NBEAL1: variants seen among roughly 807,000 people sequenced by gnomAD.
NBEAL1 encodes neurobeachin like 1, also known as neurobeachin-like protein 1.
NBEAL1 carries 273 observed loss-of-function variants against 351.3 expected under a neutral mutation model. The observed-to-expected ratio is 0.78, with a 90% CI of 0.70 to 0.86. The LOEUF (loss-of-function observed/expected upper bound fraction) is 0.86. Among genes scored for constraint, NBEAL1 ranks in the 40% least tolerant of loss-of-function variants. The probability of loss-of-function intolerance (pLI) is 0.00; values close to 1 mark genes in which losing one functional copy is unlikely to be tolerated. For missense variants in NBEAL1, 2,961 were observed against 3,201.3 expected (o/e 0.92, Z 1.81); for synonymous variants, 1,050 against 1,086.4 (o/e 0.97, Z 0.66).
intron 10 of NBEAL1, among the ~76,000 whole-genome samples, chr2:203,095,676 T>C (rs2062168299): frequency 1.3e-5 from 2 of 152,242 alleles, no homozygotes; most frequent in Non-Finnish European, 2.9e-5. Context: ...ACCAGTTTTA[T>C]CTGACTATTT....
rs2062372079 is a variant in NBEAL1, at chr2:203,103,541, G to A, written c.1269+3829G>A. Among the ~76,000 whole-genome samples, 3 of 152,094 alleles carry A rather than the reference G, an allele frequency of 2.0e-5. 1 individual carries two copies. ...CCTGCCTCAGCCTCCCAAAGTGCTG[G>A]GATCACAGATGTGAGCCATTGTGCC... On this transcript the variant is annotated intron_variant, in intron 12 of 55. Coordinates refer to ENST00000683969, the MANE Select transcript of NBEAL1 (RefSeq NM_001378026.1).
intron 3 of NBEAL1, among the ~76,000 whole-genome samples, chr2:203,048,449 G>C (rs1412324163): frequency 6.6e-6 from 1 of 152,040 alleles, no homozygotes; most frequent in Non-Finnish European, 1.5e-5. Context: ...AGAGATGATA[G>C]GGTTTTATTT....
At chr2:203,124,928 T>A (rs2062905044) in intron 19 of NBEAL1, among the ~76,000 whole-genome samples, 1 of 152,218 alleles carries the variant, frequency 6.6e-6, no homozygotes, top group African/African-American at 2.4e-5. Flanking sequence ...TCTCTACCTT[T>A]TTGTTAACTA....
At chr2:203,154,679 G>A (rs1275637703) in intron 35 of NBEAL1, among the ~76,000 whole-genome samples, 1 of 152,046 alleles carries the variant, frequency 6.6e-6, no homozygotes, top group Admixed American at 6.6e-5. Flanking sequence ...ACACCCACTT[G>A]TAAATTAGGG....
At position 203,135,388 on chromosome 2, in the gene NBEAL1, ATTT is replaced by A. The variant is rs1186978292; in HGVS notation, c.3814-288_3814-286del. 2.6e-5 allele frequency among the ~76,000 whole-genome samples: 4 copies of A among 152,232 alleles called. No homozygotes were observed. The East Asian group carries it at 5.8e-4, about 22-fold the overall frequency. Reference sequence around the variant, plus strand: ...TTAGTTGAGAGGATATTACTCTATTATTTAACATATACCATCATCCTATTCATT... The same window carrying A: ...TTAGTTGAGAGGATATTACTCTATTAAACATATACCATCATCCTATTCATT... On this transcript the variant is annotated intron_variant, in intron 27 of 55. Transcript: ENST00000683969.
In NBEAL1 at chr2:203,083,976, C is replaced by CTGTGTGTGTGTG. The variant is rs59252809; in HGVS notation, c.992-453_992-442dup. On this transcript the variant is annotated intron_variant, in intron 9 of 55. Transcript: ENST00000683969. The stretch of plus-strand genomic sequence containing the variant: ...TTTTGTTTCTTTTTTTCCTCAGAGC[C>CTGTGTGTGTGTG]TGTGTGTGTGTGTGTGTGTGTGTGT... 6.2e-3 allele frequency among the ~76,000 whole-genome samples: 829 copies of CTGTGTGTGTGTG among 134,170 alleles called. 3 individuals carry two copies. The highest frequency in any genetic ancestry group is 0.015 in the African/African-American group (537 of 35,352). The allele number at this position is 134,170 out of a possible 152,430, so 88.0% of individuals were successfully genotyped here. A position where few individuals can be genotyped will look rare whatever the true frequency, so the allele number is the denominator to read the frequency against.
intron 45 of NBEAL1, among the ~76,000 whole-genome samples, chr2:203,189,069 C>G (rs952083266): frequency 2.0e-5 from 3 of 152,174 alleles, no homozygotes; most frequent in African/African-American, 7.2e-5. Flanking sequence ...TTATGAGAGA[C>G]TTTTAGTAAA....
At chr2:203,022,107 A>G (rs992153852) in intron 2 of NBEAL1, among the ~76,000 whole-genome samples, 1 of 152,042 alleles carries the variant, frequency 6.6e-6, no homozygotes, top group Non-Finnish European at 1.5e-5. Context: ...TCCCTATCTC[A>G]ACTGCAACCC....
Position 203,178,025 on chromosome 2 carries a change from A to T in NBEAL1, c.6465-2357A>T, listed in dbSNP as rs143725675. On this transcript the variant is annotated intron_variant, in intron 42 of 55. Coordinates refer to ENST00000683969, the MANE Select transcript of NBEAL1 (RefSeq NM_001378026.1). ...CAGAGCAATACTCCATCTCAAAAAA[A>T]AAAAATAAAAAAGTTAAATATAGAA... Among the ~76,000 whole-genome samples, 944 of 152,146 alleles carry T rather than the reference A, an allele frequency of 6.2e-3. 13 individuals carry two copies. The highest frequency in any genetic ancestry group is 0.019 in the East Asian group (96 of 5,186).
intron 30 of NBEAL1, 103 bp from the exon 31 acceptor site, chr2:203,138,516 GC>G: frequency 8.0e-7 from 1 of 1,248,486 alleles, no homozygotes; most frequent in South Asian, 1.6e-5. Flanking sequence ...CATTGGACTA[GC>G]TTTTGAAATA....
intron 4 of NBEAL1, among the ~76,000 whole-genome samples, chr2:203,055,213 T>C (rs1227445991): frequency 6.6e-6 from 1 of 152,194 alleles, no homozygotes; most frequent in East Asian, 1.9e-4. Context: ...TCCACTATTA[T>C]TGGAAGCAGA....
chr2:203,187,357 T>A (rs1312111371), intron 44 of NBEAL1, among the ~76,000 whole-genome samples: 2 of 138,376 alleles, frequency 1.4e-5, no homozygotes, highest in Non-Finnish European at 3.1e-5. Flanking sequence ...CATGCCTGGC[T>A]CTTGCAATGG....
At chr2:203,171,672 A>C (rs1407997915) in intron 39 of NBEAL1, among the ~76,000 whole-genome samples, 1 of 50,442 alleles carries the variant, frequency 2.0e-5, no homozygotes, top group African/African-American at 4.2e-5. Context: ...TGAAGAAAAG[A>C]CAAGGTTTTT....
At chr2:203,086,998 C>T (rs2061973025) in intron 10 of NBEAL1, among the ~76,000 whole-genome samples, 1 of 151,798 alleles carries the variant, frequency 6.6e-6, no homozygotes. Context: ...TTCTCAAATA[C>T]AGCTTTTTAT....
intron 17 of NBEAL1, among the ~76,000 whole-genome samples, chr2:203,113,821 CTTT>C (rs34496672): frequency 1.2e-4 from 14 of 114,684 alleles, no homozygotes; most frequent in Admixed American, 1.8e-4. Flanking sequence ...CTGTGTCTCT[CTTT>C]TTTTTTTTTT....
At chr2:203,041,426 A>G (rs1288848967) in intron 2 of NBEAL1, among the ~76,000 whole-genome samples, 1 of 152,214 alleles carries the variant, frequency 6.6e-6, no homozygotes, top group Admixed American at 6.5e-5. Context: ...CAGCCAGTGC[A>G]AAGTCCTTAG....
At chr2:203,084,283 T>C (rs1042556670) in intron 9 of NBEAL1, among the ~76,000 whole-genome samples, 180 bp from the exon 10 acceptor site, 1 of 152,174 alleles carries the variant, frequency 6.6e-6, no homozygotes, top group African/African-American at 2.4e-5. Context: ...ATTAATTGTT[T>C]GGTGTATAGC....
chr2:203,140,059 G>C (rs2063327762), intron 31 of NBEAL1, among the ~76,000 whole-genome samples: 1 of 152,038 alleles, frequency 6.6e-6, no homozygotes, highest in African/African-American at 2.4e-5. Flanking sequence ...CCAGTACTTT[G>C]GGAGGCCGAG....
At position 203,211,101 on chromosome 2, in the gene NBEAL1, C is replaced by T. The variant is rs1297641401; in HGVS notation, c.7929C>T (p.Leu2643=). The T allele has an allele frequency of 3.3e-6, 5 of 1,521,500 alleles. No homozygotes were observed. The African/African-American group carries it at 7.2e-5, about 22-fold the overall frequency. The allele number at this position is 1,521,500 out of a possible 1,614,324, so 94.2% of individuals were successfully genotyped here. ...AAGGATTCCTGTCTATAAGAGATCT[C>T]CACAGGTAAATAATAAAAACTAATG... ...SIQGFLSIRD[L]HSLNLSINPL... is the part of the protein sequence containing the mutation. Residue 2643 remains leucine (L), a synonymous_variant, in exon 54 of 56, where the codon CTC becomes CTT. Transcript: ENST00000683969.
Sources: allele counts gnomAD v4.1 joint callset (sites outside exome capture counted in the v4.1 genomes callset), GRCh38; gene constraint gnomAD v4.1.1; transcripts MANE v1.5; gene names NCBI Gene and HGNC (gene_info 2026-07-23, HGNC 2026-07-21).